TG: variants seen among roughly 807,000 people sequenced by gnomAD.
The protein encoded by TG is thyroglobulin.
A neutral mutation model predicts 324.7 loss-of-function variants in TG; 270 were observed. The observed-to-expected ratio is 0.83, with a 90% CI of 0.75 to 0.92. TG has a LOEUF of 0.92. TG is among the 40% of genes least tolerant of loss of function. The pLI is 0.00. For missense variants in TG, 3,591 were observed against 3,456.4 expected (o/e 1.04, Z -0.98); for synonymous variants, 1,401 against 1,327.0 (o/e 1.06, Z -1.21).
At chr8:132,925,689 A>G (rs954739884) in intron 22 of TG, among the ~76,000 whole-genome samples, 1 of 152,188 alleles carries the variant, frequency 6.6e-6, no homozygotes, top group African/African-American at 2.4e-5. Flanking sequence ...CAAATGAAGG[A>G]GACTGTGTCT....
chr8:133,052,172 A>G (rs1175834101), intron 41 of TG, among the ~76,000 whole-genome samples: 1 of 152,246 alleles, frequency 6.6e-6, no homozygotes, highest in African/African-American at 2.4e-5. Context: ...TCCGAGTCAT[A>G]AGCCTCTTGG....
chr8:132,977,323 TG>T (rs1450947049), intron 34 of TG, among the ~76,000 whole-genome samples: 39 of 152,188 alleles, frequency 2.6e-4, no homozygotes, highest in Non-Finnish European at 2.9e-5. Flanking sequence ...CACTGGCACA[TG>T]AGACAAACAT....
chr8:132,906,334 C>A (rs1818676862), intron 16 of TG, among the ~76,000 whole-genome samples: 1 of 151,938 alleles, frequency 6.6e-6, no homozygotes, highest in Non-Finnish European at 1.5e-5. Context: ...GCAGGGGTGG[C>A]AGATACTAAG....
At chr8:133,047,815 T>G in intron 41 of TG, 1 of 1,397,710 alleles carries the variant, frequency 7.2e-7, no homozygotes, top group South Asian at 1.2e-5. Context: ...GAAAGATGAG[T>G]TGGGGGCCAC....
chr8:132,963,525 C>T (rs929295853), intron 29 of TG, among the ~76,000 whole-genome samples: 4 of 152,066 alleles, frequency 2.6e-5, no homozygotes, highest in Non-Finnish European at 4.4e-5. Context: ...AGGAACAGTA[C>T]GTATGTACTG....
intron 35 of TG, among the ~76,000 whole-genome samples, chr8:132,993,396 C>A (rs1832570620): frequency 6.6e-6 from 1 of 152,180 alleles, no homozygotes; most frequent in Non-Finnish European, 1.5e-5. Context: ...TTTAAAGAAT[C>A]TTTCTGCATT....
chr8:132,936,058 C>G (rs977551848), intron 25 of TG, among the ~76,000 whole-genome samples, 194 bp downstream of exon 25: 1 of 152,236 alleles, frequency 6.6e-6, no homozygotes, highest in African/African-American at 2.4e-5. Flanking sequence ...GCACTGATCT[C>G]CCCTGGGACT....
chr8:133,039,033 A>C (rs905409093), intron 41 of TG, among the ~76,000 whole-genome samples: 1 of 151,952 alleles, frequency 6.6e-6, no homozygotes. Context: ...ATCCACCACC[A>C]CGCCCAGCTA....
Position 132,995,770 on chromosome 8 carries a change from A to G in TG, c.6262+12358A>G, listed in dbSNP as rs1832818467. Among the ~76,000 whole-genome samples, 4 of 152,330 alleles carry G rather than the reference A, an allele frequency of 2.6e-5. No homozygotes were observed. The South Asian group carries it at 8.3e-4, about 32-fold the overall frequency. On this transcript the variant is annotated intron_variant, in intron 35 of 47. Coordinates refer to ENST00000220616, the MANE Select transcript of TG (RefSeq NM_003235.5). ...AATTTCACTAGGAATTTTGCTCGTA[A>G]TGAACTTAGTAATTTGTCATGAGGC...
chr8:133,065,032 C>G (rs1254190986), intron 41 of TG, among the ~76,000 whole-genome samples: 1 of 152,180 alleles, frequency 6.6e-6, no homozygotes, highest in Non-Finnish European at 1.5e-5. Flanking sequence ...TCCCTTTGTT[C>G]TTAGAAATTT....
intron 41 of TG, among the ~76,000 whole-genome samples, chr8:133,093,662 G>A (rs1178424254): frequency 6.6e-6 from 1 of 152,124 alleles, no homozygotes; most frequent in Non-Finnish European, 1.5e-5. Context: ...ATTCTGACTG[G>A]CCTTGCCTCT....
At chr8:133,007,031 A>G (rs1007149754) in intron 35 of TG, among the ~76,000 whole-genome samples, 1 of 151,832 alleles carries the variant, frequency 6.6e-6, no homozygotes, top group African/African-American at 2.4e-5. Context: ...TCACCCAGGG[A>G]GATATTTGTT....
At chr8:132,986,412 ATATATATATGTATG>A (rs1831558898) in intron 35 of TG, among the ~76,000 whole-genome samples, 5 of 150,060 alleles carry the variant, frequency 3.3e-5, no homozygotes, top group African/African-American at 1.2e-4. Flanking sequence ...ATGTATGTGT[ATATATATATGTATG>A]TATCTCCAAA....
chr8:132,883,095 C>G, intron 8 of TG, 96 bp downstream of exon 8: 1 of 1,373,014 alleles, frequency 7.3e-7, no homozygotes. Flanking sequence ...AATTCAACTG[C>G]CTTCTAGTGT....
At chr8:132,933,147 G>T (rs1587462042) in intron 23 of TG, among the ~76,000 whole-genome samples, 1 of 143,666 alleles carries the variant, frequency 7.0e-6, no homozygotes, top group African/African-American at 2.6e-5. Flanking sequence ...ATAAATGTGT[G>T]CTTATATGTG....
intron 6 of TG, 60 bp downstream of exon 6, chr8:132,882,029 C>A: frequency 8.0e-7 from 1 of 1,254,408 alleles, no homozygotes; most frequent in Non-Finnish European, 1.2e-6. Flanking sequence ...GGTCTGAAAA[C>A]CTGGATAACA....
At chr8:132,885,437 C>T (rs1471913694) in intron 8 of TG, among the ~76,000 whole-genome samples, 5 of 151,410 alleles carry the variant, frequency 3.3e-5, no homozygotes, top group African/African-American at 4.9e-5. Flanking sequence ...TATTATATTT[C>T]CTATATTATA....
At chr8:133,131,266 T>C (rs1262957119) in intron 45 of TG, among the ~76,000 whole-genome samples, 1 of 152,242 alleles carries the variant, frequency 6.6e-6, no homozygotes, top group East Asian at 1.9e-4. Flanking sequence ...ACCAGGATGC[T>C]GCTTCCTAGA....
rs1274756357 is a variant in TG, at chr8:133,134,899, A to G, written c.*105A>G. 1 of 858,432 alleles carries G rather than the reference A, an allele frequency of 1.2e-6. No individual in the cohort carries two copies. The highest frequency in any genetic ancestry group is 2.0e-6 in the Non-Finnish European group (1 of 510,528). The allele number at this position is 858,432 out of a possible 1,614,324, so 53.2% of individuals were successfully genotyped here. A position where few individuals can be genotyped will look rare whatever the true frequency, so the allele number is the denominator to read the frequency against. On this transcript the variant is annotated 3_prime_UTR_variant, in exon 48 of 48. Transcript: ENST00000220616. ...TCAATAAAGTATCTACATGCGGTGA[A>G]GCATTGTTGACTCTAATGTGTGAAT...
Sources: gnomAD v4.1 joint callset for allele counts (sites outside exome capture counted in the v4.1 genomes callset) on GRCh38, gnomAD v4.1.1 for gene constraint, MANE v1.5 for transcripts, NCBI Gene and HGNC (gene_info 2026-07-23, HGNC 2026-07-21) for gene names.